WNK3: variants seen among roughly 807,000 people sequenced by gnomAD.
The protein encoded by WNK3 is WNK lysine deficient protein kinase 3.
In WNK3, 18 loss-of-function variants were observed where a neutral mutation model predicts 116.7. That is an observed-to-expected ratio of 0.15 (90% CI 0.11 to 0.23). The LOEUF (loss-of-function observed/expected upper bound fraction) is 0.23, where lower values mean the gene tolerates loss of function less well. Among genes scored for constraint, WNK3 ranks in the 10% least tolerant of loss-of-function variants. The probability of loss-of-function intolerance (pLI) is 1.00; values close to 1 mark genes in which losing one functional copy is unlikely to be tolerated. For synonymous variants in WNK3, 404 were observed against 469.4 expected, an observed-to-expected ratio of 0.86 and a Z score of 1.80; for missense variants, 993 against 1,323.8, an observed-to-expected ratio of 0.75 and a Z score of 3.88.
At position 54,346,078 on chromosome X, in the gene WNK3, T is replaced by C. The variant is rs782355299; in HGVS notation, c.-120+11608A>G. Reference sequence around the variant, plus strand: ...ATATCTTATATTCCTATTTTCAATATATAAATTTAACTCAATGATATATAT... The same window carrying C: ...ATATCTTATATTCCTATTTTCAATACATAAATTTAACTCAATGATATATAT... On this transcript the variant is annotated intron_variant, in intron 1 of 23. Transcript: ENST00000354646. Among the ~76,000 whole-genome samples the C allele has an allele frequency of 3.3e-4, 34 of 102,349 alleles. No homozygotes were observed. In the Admixed American group the frequency reaches 3.6e-3, roughly 11 times the overall value. The allele number at this position is 102,349 out of a possible 115,157, so 88.9% of individuals were successfully genotyped here. A position where few individuals can be genotyped will look rare whatever the true frequency, so the allele number is the denominator to read the frequency against.
intron 2 of WNK3, among the ~76,000 whole-genome samples, chrX:54,312,512 A>G (rs952323343): frequency 9.1e-6 from 1 of 109,701 alleles, no homozygotes. Flanking sequence ...ATCTCAGCTT[A>G]CTGCAACCTC....
At chrX:54,220,544 C>G (rs1279535611) in intron 22 of WNK3, among the ~76,000 whole-genome samples, 1 of 110,821 alleles carries the variant, frequency 9.0e-6, no homozygotes, top group Admixed American at 9.7e-5. Flanking sequence ...GGGTCAGACC[C>G]TGTCTCAAAA....
chrX:54,215,582 C>G (rs1367094030), intron 22 of WNK3, among the ~76,000 whole-genome samples: 3 of 111,905 alleles, frequency 2.7e-5, no homozygotes, highest in African/African-American at 9.7e-5. Flanking sequence ...CCCAAAGTGC[C>G]GAGATTGCAG....
At chrX:54,301,661 T>A in intron 6 of WNK3, 110 bp downstream of exon 6, 1 of 593,460 alleles carries the variant, frequency 1.7e-6, no homozygotes, top group East Asian at 3.6e-5. Context: ...TGGTTTGGCT[T>A]CTACTCAAAA....
At chrX:54,254,975 T>G (rs1253558485) in intron 12 of WNK3, among the ~76,000 whole-genome samples, 1 of 110,757 alleles carries the variant, frequency 9.0e-6, no homozygotes, top group Non-Finnish European at 1.9e-5. Flanking sequence ...CTTACTTCGC[T>G]CCTCTGATTT....
chrX:54,307,402 T>G (rs1489228597), intron 5 of WNK3, among the ~76,000 whole-genome samples: 1 of 110,935 alleles, frequency 9.0e-6, no homozygotes, highest in African/African-American at 3.3e-5. Context: ...ACTCTCATCC[T>G]CTTATTTTAT....
At chrX:54,299,525 A>G (rs1557167049) in intron 6 of WNK3, among the ~76,000 whole-genome samples, 6 of 105,320 alleles carry the variant, frequency 5.7e-5, no homozygotes, top group Middle Eastern at 4.8e-3. Flanking sequence ...CCCAGGTTCA[A>G]GCAATTTTCC....
intron 17 of WNK3, among the ~76,000 whole-genome samples, chrX:54,245,145 CGTGTGTGTGTGTGTGTGT>C (rs782272022): frequency 4.7e-5 from 4 of 84,669 alleles, no homozygotes; most frequent in East Asian, 7.5e-4. Context: ...CATATATATG[CGTGTGTGTGTGTGTGTGT>C]GTGTGTGTGT....
intron 22 of WNK3, among the ~76,000 whole-genome samples, chrX:54,215,413 G>C (rs1279164190): frequency 8.9e-6 from 1 of 112,645 alleles, no homozygotes; most frequent in Non-Finnish European, 1.9e-5. Flanking sequence ...CTGGTCTCCA[G>C]CTCCCGACCG....
intron 20 of WNK3, among the ~76,000 whole-genome samples, chrX:54,235,490 T>C (rs1319148535): frequency 5.4e-5 from 6 of 111,391 alleles, no homozygotes; most frequent in African/African-American, 2.0e-4. Flanking sequence ...TTTTGCCATG[T>C]TGGCCAGGGT....
At chrX:54,298,737 C>A (rs947611775) in intron 6 of WNK3, among the ~76,000 whole-genome samples, 24 of 112,042 alleles carry the variant, frequency 2.1e-4, no homozygotes, top group African/African-American at 7.8e-4. Context: ...GGAGAAGTAG[C>A]TTAGTACATG....
At chrX:54,253,789 C>T (rs975114061) in intron 13 of WNK3, among the ~76,000 whole-genome samples, 170 bp downstream of exon 13, 1 of 111,632 alleles carries the variant, frequency 9.0e-6, no homozygotes, top group Non-Finnish European at 1.9e-5. Flanking sequence ...ATACTGAAAC[C>T]GGAGGAGATG....
chrX:54,198,676 C>T (rs1557140974), intron 23 of WNK3, 23 bp from the exon 24 acceptor site: 1 of 1,087,437 alleles, frequency 9.2e-7, no homozygotes, highest in East Asian at 3.2e-5. Flanking sequence ...AAAATAAAAA[C>T]AAAAGATCAG....
chrX:54,216,445 T>C (rs1490888589), intron 22 of WNK3, among the ~76,000 whole-genome samples: 3 of 109,861 alleles, frequency 2.7e-5, no homozygotes, highest in African/African-American at 9.9e-5. Flanking sequence ...AAGGCATTAC[T>C]GAAACTATGG....
intron 1 of WNK3, among the ~76,000 whole-genome samples, chrX:54,336,252 G>A (rs972095043): frequency 1.4e-4 from 15 of 110,875 alleles, no homozygotes; most frequent in African/African-American, 4.3e-4. Context: ...CCTGGGAGGT[G>A]GAGGATGCAG....
chrX:54,198,537 T>C, exon 24 of WNK3: 1 of 1,208,299 alleles, frequency 8.3e-7, no homozygotes, highest in Non-Finnish European at 1.1e-6. Context: ...ATGATGATAA[T>C]GGCCCAGGAA....
At position 54,318,658 on chromosome X, in the gene WNK3, G is replaced by A. The variant is rs1039426898; in HGVS notation, c.538-7367C>T. ...CAAGGCTGCAGTGAACTATGGTCAC[G>A]CCACTGCACTCCAGCCTAGGTAAGA... On this transcript the variant is annotated intron_variant, in intron 2 of 23. Transcript: ENST00000354646. Among the ~76,000 whole-genome samples the A allele has an allele frequency of 4.5e-5, 5 of 110,313 alleles. No homozygotes were observed. In the Admixed American group the frequency reaches 4.9e-4, roughly 11 times the overall value.
At chrX:54,333,394 G>A (rs1464698205) in exon 2 of WNK3, 2 of 1,209,783 alleles carry the variant, frequency 1.7e-6, no homozygotes, top group East Asian at 3.0e-5. Flanking sequence ...ACATTTGAAG[G>A]AAGCTTATCT....
chrX:54,226,094 C>CAAA (rs2067833214), intron 22 of WNK3, among the ~76,000 whole-genome samples: 8 of 11,999 alleles, frequency 6.7e-4, no homozygotes, highest in Non-Finnish European at 3.1e-3. Context: ...ATCCACATAC[C>CAAA]CAAAAAAAAA....
Sources: gnomAD v4.1 joint callset for allele counts (sites outside exome capture counted in the v4.1 genomes callset) on GRCh38, gnomAD v4.1.1 for gene constraint, MANE v1.5 for transcripts, NCBI Gene and HGNC (gene_info 2026-07-23, HGNC 2026-07-21) for gene names.